The following ZNF43 variants were observed in gnomAD, a reference collection of about 807,000 sequenced individuals.
ZNF43 encodes the protein zinc finger protein 43, also known as zinc finger protein 39-like 1 (KOX 27).
A neutral mutation model predicts 68.4 loss-of-function variants in ZNF43; 44 were observed. That is an observed-to-expected ratio of 0.64 (90% CI 0.51 to 0.83). The LOEUF (loss-of-function observed/expected upper bound fraction) is 0.83. ZNF43 is among the 40% of genes least tolerant of loss of function. The probability of loss-of-function intolerance (pLI) is 0.00; values close to 1 mark genes in which losing one functional copy is unlikely to be tolerated. For synonymous variants in ZNF43, 308 were observed against 307.8 expected (o/e 1.00, Z -0.01); for missense variants, 896 against 933.2 (o/e 0.96, Z 0.52).
At chr19:21,850,769 G>A (rs1371408027) in intron 1 of ZNF43, among the ~76,000 whole-genome samples, 1 of 152,164 alleles carries the variant, frequency 6.6e-6, no homozygotes, top group East Asian at 1.9e-4. Context: ...TCACCTCAGT[G>A]AAAGGCCCAG....
chr19:21,836,596 T>C (rs1422604608), upstream of ZNF43, among the ~76,000 whole-genome samples: 1 of 152,258 alleles, frequency 6.6e-6, no homozygotes, highest in Non-Finnish European at 1.5e-5. Flanking sequence ...TGTGGGGTTT[T>C]TCTTATTCTT....
chr19:21,820,644 TAATC>T (rs2037778846), intron 1 of ZNF43, among the ~76,000 whole-genome samples: 1 of 151,298 alleles, frequency 6.6e-6, no homozygotes, highest in East Asian at 1.9e-4. Flanking sequence ...GAGCCCTTGA[TAATC>T]AAGTGAATAA....
intron 1 of ZNF43, among the ~76,000 whole-genome samples, chr19:21,827,975 A>G (rs867162087): frequency 6.6e-6 from 1 of 152,072 alleles, no homozygotes; most frequent in East Asian, 1.9e-4. Flanking sequence ...AAGAGCTACT[A>G]TATTTTTTGA....
chr19:21,833,083 A>C (rs1178369217), intron 1 of ZNF43, among the ~76,000 whole-genome samples: 1 of 152,146 alleles, frequency 6.6e-6, no homozygotes, highest in Non-Finnish European at 1.5e-5. Context: ...GTTTTCTTAT[A>C]AAAATGTATT....
rs878857817 is a variant in ZNF43 at position 21,807,953 on chromosome 19, G to A, written c.2084C>T (p.Thr695Ile). ...CTCTCCAGTATGAATAATCTTATGT[G>A]TAGAAAGGGTTGAGGACAGTTTAAA... ...KAFKLSSTLS[T>I]HKIIHTGEKP... Residue 695 changes from threonine (T) to isoleucine (I), a missense_variant, in exon 4 of 4, where the codon ACA becomes ATA. Transcript: ENST00000354959. 1.2e-6 allele frequency: 2 copies of A among 1,610,794 alleles called. No individual in the cohort carries two copies. Among genetic ancestry groups the A allele is most frequent in the South Asian group, 1.1e-5 (1 of 91,006 alleles).
At chr19:21,849,843 C>T (rs1034885032) in intron 1 of ZNF43, 2 of 152,198 alleles carry the variant, frequency 1.3e-5, no homozygotes, top group African/African-American at 4.8e-5. Flanking sequence ...ATCTCTCTTA[C>T]TGGCTGGTTG....
chr19:21,849,231 G>A (rs1212444743), intron 1 of ZNF43, among the ~76,000 whole-genome samples: 1 of 152,152 alleles, frequency 6.6e-6, no homozygotes, highest in Non-Finnish European at 1.5e-5. Flanking sequence ...GCTGGCGCCT[G>A]TAACCCCAGC....
chr19:21,836,869 G>C (rs1263608926), upstream of ZNF43, among the ~76,000 whole-genome samples: 1 of 152,082 alleles, frequency 6.6e-6, no homozygotes, highest in Non-Finnish European at 1.5e-5. Context: ...TGGGATTATA[G>C]GCATGAACCA....
chr19:21,837,133 A>G (rs1194140291), upstream of ZNF43, among the ~76,000 whole-genome samples: 1 of 152,220 alleles, frequency 6.6e-6, no homozygotes, highest in Non-Finnish European at 1.5e-5. Flanking sequence ...ATTCAAAACA[A>G]GATAATTTCC....
chr19:21,839,510 G>A (rs1967368885), upstream of ZNF43: 1 of 152,130 alleles, frequency 6.6e-6, no homozygotes, highest in Admixed American at 6.6e-5. Context: ...AATAAGAGGA[G>A]TCACATCATC....
At chr19:21,838,765 C>T (rs1359725794), upstream of ZNF43, 2 of 152,106 alleles carry the variant, frequency 1.3e-5, no homozygotes, top group Non-Finnish European at 2.9e-5. Flanking sequence ...TATAGTGGAT[C>T]TTAATGTTGG....
At position 21,808,275 on chromosome 19, in the gene ZNF43, G is replaced by C; in HGVS notation, c.1762C>G (p.His588Asp). 6.2e-7 allele frequency: 1 copy of C among 1,613,440 alleles called. No homozygotes were observed. The highest frequency in any genetic ancestry group is 8.5e-7 in the Non-Finnish European group (1 of 1,179,838). Residue 588 changes from histidine to aspartate, a missense_variant, in exon 4 of 4, where the codon CAT becomes GAT. His to Asp is a moderately conservative substitution (Grantham distance 81). Coordinates refer to ENST00000354959, the MANE Select transcript of ZNF43 (RefSeq NM_003423.4). ...SSNLTTHKKI[H>D]TGEKFYKCEE... ...CATTTGTAGAATTTCTCTCCAGTAT[G>C]AATTTTCTTATGTGTAGTAAGGTTT...
intron 1 of ZNF43, among the ~76,000 whole-genome samples, chr19:21,835,250 A>G: frequency 2.1e-5 from 1 of 47,060 alleles, no homozygotes; most frequent in East Asian, 4.3e-4. Flanking sequence ...AGTCCATCTC[A>G]AAAAAAAAAA....
intron 1 of ZNF43, among the ~76,000 whole-genome samples, chr19:21,844,716 T>C (rs1463505760): frequency 1.3e-5 from 2 of 150,428 alleles, no homozygotes; most frequent in Non-Finnish European, 3.0e-5. Context: ...GCTAACACGG[T>C]GAAACCCCGT....
At chr19:21,835,476 G>A (rs1344514817) in intron 1 of ZNF43, among the ~76,000 whole-genome samples, 1 of 147,178 alleles carries the variant, frequency 6.8e-6, no homozygotes, top group Non-Finnish European at 1.5e-5. Context: ...TCCTGTCTCA[G>A]CCTCCCTAGT....
In ZNF43 at chr19:21,809,678, C is replaced by T. The variant is rs2037183412; in HGVS notation, c.359G>A (p.Ser120Asn). 9.3e-6 allele frequency: 15 copies of T among 1,613,194 alleles called. No homozygotes were observed. The highest frequency in any genetic ancestry group is 1.3e-5 in the Non-Finnish European group (15 of 1,179,738). The change falls in exon 4 of 4, where the codon AGT becomes AAT. Residue 120 changes from serine (S) to asparagine (N), a missense_variant. Transcript: ENST00000354959. ...KNVHLKKDHK[S>N]VDECKVHRGG... ...TCTGTGCACCTTACACTCATCCACA[C>T]TTTTATGGTCTTTTTTTAAATGTAC...
upstream of ZNF43, among the ~76,000 whole-genome samples, chr19:21,836,520 C>T (rs1043666302): frequency 2.6e-5 from 4 of 152,196 alleles, no homozygotes; most frequent in Non-Finnish European, 4.4e-5. Context: ...CTTTTATGAC[C>T]TTCCTGGCTT....
At chr19:21,828,721 A>T (rs1384202229) in intron 1 of ZNF43, among the ~76,000 whole-genome samples, 1 of 149,242 alleles carries the variant, frequency 6.7e-6, no homozygotes, top group African/African-American at 2.5e-5. Flanking sequence ...CCGTCTCAAA[A>T]AAAGTAAATT....
chr19:21,834,121 T>C (rs2038565834), intron 1 of ZNF43, among the ~76,000 whole-genome samples: 2 of 151,316 alleles, frequency 1.3e-5, no homozygotes, highest in South Asian at 4.2e-4. Flanking sequence ...GTGGATCATC[T>C]GAGGTTAGGA....
Sources: gnomAD v4.1 joint callset for allele counts (sites outside exome capture counted in the v4.1 genomes callset) on GRCh38, gnomAD v4.1.1 for gene constraint, MANE v1.5 for transcripts, NCBI Gene and HGNC (gene_info 2026-07-23, HGNC 2026-07-21) for gene names.